ESRRG: variants seen among roughly 807,000 people sequenced by gnomAD.
ESRRG encodes the protein estrogen-related receptor gamma.
In ESRRG, 13 loss-of-function variants were observed where a neutral mutation model predicts 44.0. That is an observed-to-expected ratio of 0.30 (90% CI 0.19 to 0.47). The LOEUF is 0.47. Among genes scored for constraint, ESRRG ranks in the 20% least tolerant of loss-of-function variants. ESRRG has a pLI of 1.00. For synonymous variants in ESRRG, 215 were observed against 214.6 expected, an observed-to-expected ratio of 1.00 and a Z score of -0.02; for missense variants, 395 against 580.6, an observed-to-expected ratio of 0.68 and a Z score of 3.29.
intron 2 of ESRRG, among the ~76,000 whole-genome samples, chr1:216,802,095 C>T (rs2094639931): frequency 6.6e-6 from 1 of 152,034 alleles, no homozygotes; most frequent in South Asian, 2.1e-4. Flanking sequence ...AGACAATGTC[C>T]CTTCCCCCAA....
At chr1:216,782,579 A>C (rs2093974334) in intron 2 of ESRRG, among the ~76,000 whole-genome samples, 1 of 152,048 alleles carries the variant, frequency 6.6e-6, no homozygotes, top group African/African-American at 2.4e-5. Context: ...TAAGGTTAGC[A>C]CTTAACAGCA....
intron 1 of ESRRG, among the ~76,000 whole-genome samples, chr1:217,036,253 T>C (rs1212082869): frequency 2.6e-5 from 4 of 152,176 alleles, no homozygotes; most frequent in Non-Finnish European, 5.9e-5. Flanking sequence ...GACAGTGTGG[T>C]GATTTCTCAA....
chr1:216,648,583 T>A (rs1244639024), intron 3 of ESRRG, among the ~76,000 whole-genome samples: 2 of 152,024 alleles, frequency 1.3e-5, no homozygotes, highest in Non-Finnish European at 2.9e-5. Context: ...CTGCTAGAAA[T>A]CACAATGGAA....
At chr1:216,788,014 G>T (rs985937255) in intron 2 of ESRRG, among the ~76,000 whole-genome samples, 5 of 152,126 alleles carry the variant, frequency 3.3e-5, no homozygotes, top group South Asian at 2.1e-4. Context: ...CAGAAGAAAA[G>T]TTGGGGCTAT....
At chr1:216,564,643 T>C (rs1380513492) in intron 4 of ESRRG, among the ~76,000 whole-genome samples, 1 of 152,152 alleles carries the variant, frequency 6.6e-6, no homozygotes, top group Non-Finnish European at 1.5e-5. Context: ...GCGTCTGTCC[T>C]GTAGTGAAAA....
At chr1:217,034,424 C>G (rs1195274139) in intron 1 of ESRRG, among the ~76,000 whole-genome samples, 1 of 152,060 alleles carries the variant, frequency 6.6e-6, no homozygotes, top group East Asian at 1.9e-4. Context: ...ATTTTTGGTC[C>G]CCGATGGTCT....
At chr1:217,053,197 G>C (rs1233918693) in intron 1 of ESRRG, among the ~76,000 whole-genome samples, 1 of 151,134 alleles carries the variant, frequency 6.6e-6, no homozygotes, top group Non-Finnish European at 1.5e-5. Flanking sequence ...GCTCATGCCT[G>C]TAATCCCAGA....
intron 1 of ESRRG, among the ~76,000 whole-genome samples, chr1:217,011,888 C>T (rs370205054): frequency 6.6e-6 from 1 of 152,266 alleles, no homozygotes; most frequent in South Asian, 2.1e-4. Flanking sequence ...ATCTCTTTAG[C>T]CCCGAGTTTT....
At chr1:216,954,130 C>T (rs531011572) in intron 1 of ESRRG, among the ~76,000 whole-genome samples, 57 of 152,182 alleles carry the variant, frequency 3.7e-4, no homozygotes, top group Admixed American at 5.9e-4. Flanking sequence ...AGCCAAGTTA[C>T]ATCATATCTC....
intron 5 of ESRRG, among the ~76,000 whole-genome samples, chr1:216,545,323 A>G (rs1290074366): frequency 6.6e-6 from 1 of 151,612 alleles, no homozygotes; most frequent in Non-Finnish European, 1.5e-5. Context: ...TCTGTCTCCC[A>G]AACTGCTAGG....
chr1:216,960,904 T>C (rs1050185745), intron 1 of ESRRG, among the ~76,000 whole-genome samples: 1 of 152,140 alleles, frequency 6.6e-6, no homozygotes, highest in African/African-American at 2.4e-5. Context: ...TTCCTTCATG[T>C]AAATGCACAT....
At chr1:216,743,063 CT>C (rs1452557691) in intron 2 of ESRRG, among the ~76,000 whole-genome samples, 2 of 152,162 alleles carry the variant, frequency 1.3e-5, no homozygotes, top group African/African-American at 4.8e-5. Context: ...TGAATTCCTC[CT>C]TCTGTCAAAG....
At chr1:216,775,594 G>A (rs1488812561) in intron 2 of ESRRG, among the ~76,000 whole-genome samples, 1 of 72,860 alleles carries the variant, frequency 1.4e-5, no homozygotes, top group East Asian at 4.6e-4. Flanking sequence ...TTTTTTTTTA[G>A]ACAGCGTCTC....
intron 2 of ESRRG, among the ~76,000 whole-genome samples, chr1:216,835,180 G>A (rs530417824): frequency 1.3e-5 from 2 of 152,230 alleles, no homozygotes; most frequent in South Asian, 2.1e-4. Flanking sequence ...TGGTAACACC[G>A]TGTTGAAAGA....
At chr1:216,592,030 A>G (rs1223324868) in intron 3 of ESRRG, among the ~76,000 whole-genome samples, 3 of 152,230 alleles carry the variant, frequency 2.0e-5, no homozygotes, top group Admixed American at 6.5e-5. Context: ...AATTTGTGCC[A>G]TCTGATATAA....
At chr1:216,913,535 T>G (rs1386745486) in intron 2 of ESRRG, among the ~76,000 whole-genome samples, 1 of 152,260 alleles carries the variant, frequency 6.6e-6, no homozygotes, top group Non-Finnish European at 1.5e-5. Context: ...TCATTATTGC[T>G]TCACATAATC....
At chr1:216,813,951 C>T (rs766159) in intron 2 of ESRRG, among the ~76,000 whole-genome samples, 8,110 of 152,228 alleles carry the variant, frequency 0.053, 412 homozygotes, top group East Asian at 0.26. Flanking sequence ...ATCTGATTCA[C>T]AATAAAGAGA....
intron 1 of ESRRG, among the ~76,000 whole-genome samples, chr1:217,008,378 G>T (rs2078063999): frequency 6.6e-6 from 1 of 152,206 alleles, no homozygotes; most frequent in Non-Finnish European, 1.5e-5. Context: ...CTCAACGAAA[G>T]TATAATCTAG....
At chr1:216,695,378 G>C (rs1318296052) in intron 1 of ESRRG, among the ~76,000 whole-genome samples, 5 of 152,050 alleles carry the variant, frequency 3.3e-5, no homozygotes, top group African/African-American at 1.2e-4. Context: ...TCCATGAACT[G>C]CAATTACCTG....
Sources: gnomAD v4.1 joint callset for allele counts (sites outside exome capture counted in the v4.1 genomes callset) on GRCh38, gnomAD v4.1.1 for gene constraint, MANE v1.5 for transcripts, NCBI Gene and HGNC (gene_info 2026-07-23, HGNC 2026-07-21) for gene names.